GET4: variants seen among roughly 807,000 people sequenced by gnomAD.
The protein encoded by GET4 is guided entry of tail-anchored proteins factor 4.
Under a neutral mutation model 40.0 loss-of-function variants are expected in GET4, and 20 were observed. That is an observed-to-expected ratio of 0.50 (90% CI 0.35 to 0.73). The LOEUF (loss-of-function observed/expected upper bound fraction) is 0.73. Among genes scored for constraint, GET4 ranks in the 30% least tolerant of loss-of-function variants. The pLI is 0.01. For synonymous variants in GET4, 280 were observed against 194.6 expected (o/e 1.44, Z -3.65); for missense variants, 557 against 454.0 (o/e 1.23, Z -2.06).
intron 1 of GET4, chr7:878,201 A>ACGCCCCTCGGGACTGTGAC: frequency 6.4e-6 from 3 of 465,858 alleles, no homozygotes; most frequent in South Asian, 4.7e-5. Flanking sequence ...GGTTAACTGC[A>ACGCCCCTCGGGACTGTGAC]CGCCCCTCGG....
chr7:893,815 G>A lies in GET4; in HGVS notation c.822G>A (p.Glu274=), dbSNP rs777961497. ...PSLRRDPMYN[E]YLDRIGQLFF... ...TCCGGCGGGACCCCATGTACAACGAGGTGAGAGCTTGGGGCTGGGGAGGGA... is the reference window on the plus strand; with the variant it reads ...TCCGGCGGGACCCCATGTACAACGAAGTGAGAGCTTGGGGCTGGGGAGGGA... The change falls in exon 7 of 9, where the codon GAG becomes GAA. Residue 274 remains glutamate, a splice_region_variant and synonymous_variant. Transcript: ENST00000265857. The A allele has an allele frequency of 1.9e-6, 3 of 1,610,208 alleles. No homozygotes were observed. Among genetic ancestry groups the A allele is most frequent in the South Asian group, 2.2e-5 (2 of 90,996 alleles).
At chr7:891,798 A>G (rs1310759707) in intron 5 of GET4, among the ~76,000 whole-genome samples, 1 of 152,264 alleles carries the variant, frequency 6.6e-6, no homozygotes, top group Non-Finnish European at 1.5e-5. Context: ...TCAAACCCAG[A>G]GCTCCCTGGC....
intron 1 of GET4, chr7:881,790 T>TACC (rs1844092444): frequency 6.6e-6 from 1 of 152,184 alleles, no homozygotes; most frequent in African/African-American, 2.4e-5. Context: ...CAAGCATGGG[T>TACC]ACCTGACAGT....
At chr7:893,648 AGGTGAGTGTT>A (rs1434761524) in intron 6 of GET4, 82 bp from the exon 7 acceptor site, 2 of 768,688 alleles carry the variant, frequency 2.6e-6, no homozygotes, top group Non-Finnish European at 4.5e-6. Flanking sequence ...TGGTGTGTGC[AGGTGAGTGTT>A]GGGCGCAGGC....
chr7:886,134 G>A lies in GET4; in HGVS notation c.234G>A (p.Gln78=), dbSNP rs143198008. ...CCCTGCTCTTCTTCAGCCATGGCCA[G>A]GTAAGCCGTCTTGCTTCCTCCTGCA... is the stretch of plus-strand genomic sequence containing the variant. ...SGALLFFSHG[Q]QNSAADLSML... Residue 78 remains glutamine (Q), a splice_region_variant and synonymous_variant, in exon 2 of 9, where the codon CAG becomes CAA. Coordinates refer to ENST00000265857, the MANE Select transcript of GET4 (RefSeq NM_015949.3). 10 of 1,597,000 alleles carry A rather than the reference G, an allele frequency of 6.3e-6. No homozygotes were observed. Among genetic ancestry groups the A allele is most frequent in the African/African-American group, 1.3e-5 (1 of 74,604 alleles).
At chr7:894,204 C>G (rs998925514) in intron 8 of GET4, among the ~76,000 whole-genome samples, 1 of 152,088 alleles carries the variant, frequency 6.6e-6, no homozygotes, top group African/African-American at 2.4e-5. Context: ...CCTGAGGTGT[C>G]TTCCATTTCC....
At chr7:881,403 G>A (rs548987888) in intron 1 of GET4, 1 of 151,602 alleles carries the variant, frequency 6.6e-6, no homozygotes, top group African/African-American at 2.4e-5. Flanking sequence ...GTGAGGTGGT[G>A]TTTCCTGGAG....
chr7:888,928 C>T (rs770987462), intron 4 of GET4, among the ~76,000 whole-genome samples: 7 of 152,258 alleles, frequency 4.6e-5, no homozygotes, highest in Non-Finnish European at 8.8e-5. Context: ...GGAACAAATG[C>T]GTCAACACTG....
chr7:885,282 G>C (rs988696891), intron 1 of GET4: 1 of 152,236 alleles, frequency 6.6e-6, no homozygotes, highest in African/African-American at 2.4e-5. Flanking sequence ...GAGGTGCAGC[G>C]CATCCAAGCA....
intron 1 of GET4, chr7:883,385 T>C: frequency 2.6e-6 from 1 of 386,420 alleles, no homozygotes; most frequent in Non-Finnish European, 3.5e-6. Context: ...AAGGGCGGGA[T>C]TCGCCCCATG....
intron 4 of GET4, 64 bp from the exon 5 acceptor site, chr7:890,862 TCC>T: frequency 7.8e-7 from 1 of 1,278,884 alleles, no homozygotes; most frequent in Non-Finnish European, 1.1e-6. Context: ...GGAGTGTCTT[TCC>T]CCCTTTCCTT....
At chr7:887,263 T>C in intron 3 of GET4, 107 bp from the exon 4 acceptor site, 2 of 1,147,914 alleles carry the variant, frequency 1.7e-6, no homozygotes, top group Non-Finnish European at 2.6e-6. Flanking sequence ...AGCAGGTTCC[T>C]CTCCCTGTTA....
chr7:879,178 TG>T (rs1307649770), intron 1 of GET4, among the ~76,000 whole-genome samples: 1 of 152,248 alleles, frequency 6.6e-6, no homozygotes, highest in Admixed American at 6.5e-5. Context: ...GGTGCCACTT[TG>T]GTTGTAGTTT....
rs1013232230 is a variant in GET4, at chr7:895,442, G to A, written c.*20G>A. On this transcript the variant is annotated 3_prime_UTR_variant, in exon 9 of 9. Coordinates refer to ENST00000265857, the MANE Select transcript of GET4 (RefSeq NM_015949.3). The stretch of plus-strand genomic sequence containing the variant: ...GACTGAACTGGCCAGGCCACGTGGA[G>A]ACACCACGGTCGACGACGGCTGGAG... 5.1e-6 allele frequency: 7 copies of A among 1,369,030 alleles called. No individual in the cohort carries two copies. In the African/African-American group the frequency reaches 1.0e-4, roughly 20 times the overall value. The allele number at this position is 1,369,030 out of a possible 1,614,324, so 84.8% of individuals were successfully genotyped here. A position where few individuals can be genotyped will look rare whatever the true frequency, so the allele number is the denominator to read the frequency against.
At chr7:892,812 T>C (rs1377500899) in intron 6 of GET4, among the ~76,000 whole-genome samples, 2 of 149,874 alleles carry the variant, frequency 1.3e-5, no homozygotes, top group Non-Finnish European at 3.0e-5. Flanking sequence ...AGTGCAGGTG[T>C]AGACGGCGTA....
At chr7:883,586 G>A (rs1448476522) in intron 1 of GET4, 32 of 985,204 alleles carry the variant, frequency 3.2e-5, no homozygotes, top group Admixed American at 6.1e-5. Flanking sequence ...GGCTCTCAGC[G>A]CCTGTCAGCA....
intron 5 of GET4, 123 bp downstream of exon 5, chr7:891,189 A>C (rs189720643): frequency 2.9e-6 from 2 of 694,388 alleles, no homozygotes; most frequent in Admixed American, 6.4e-5. Context: ...CACTCTGGGC[A>C]GAGCCCACAG....
chr7:888,721 C>T (rs1489171924), intron 4 of GET4, among the ~76,000 whole-genome samples: 1 of 152,254 alleles, frequency 6.6e-6, no homozygotes, highest in African/African-American at 2.4e-5. Flanking sequence ...CTTCCCTGGC[C>T]TCTGGCGACA....
Position 886,576 on chromosome 7 carries a change from G to C in GET4, c.242G>C (p.Ser81Thr). 2 of 1,611,472 alleles carry C rather than the reference G, an allele frequency of 1.2e-6. No individual in the cohort carries two copies. The highest frequency in any genetic ancestry group is 1.7e-6 in the Non-Finnish European group (2 of 1,178,072). The change falls in exon 3 of 9, where the codon AGT becomes ACT. Residue 81 changes from serine to threonine, a missense_variant. Ser to Thr is a moderately conservative substitution (Grantham distance 58, BLOSUM62 1). Coordinates refer to ENST00000265857, the MANE Select transcript of GET4 (RefSeq NM_015949.3). ...LLFFSHGQQN[S>T]AADLSMLVLE... ...TGTTGCTTTCTCTTGTAGCAAAACA[G>C]TGCAGCAGACTTGTCCATGCTGGTC... is the stretch of plus-strand genomic sequence containing the variant.
Sources: allele counts gnomAD v4.1 joint callset (sites outside exome capture counted in the v4.1 genomes callset), GRCh38; gene constraint gnomAD v4.1.1; transcripts MANE v1.5; gene names NCBI Gene and HGNC (gene_info 2026-07-23, HGNC 2026-07-21).